AGBL4: variants seen among roughly 807,000 people sequenced by gnomAD.
AGBL4 encodes AGBL carboxypeptidase 4, also known as cytosolic carboxypeptidase 6.
A neutral mutation model predicts 66.4 loss-of-function variants in AGBL4; 58 were observed. The ratio of observed to expected loss-of-function variants is 0.87; its 90% confidence interval spans 0.71 to 1.09. The LOEUF (loss-of-function observed/expected upper bound fraction) is 1.09. Ranked by LOEUF, AGBL4 falls within the 50% of genes least tolerant of loss-of-function variation. The probability of loss-of-function intolerance (pLI) is 0.00; values close to 1 mark genes in which losing one functional copy is unlikely to be tolerated. For missense variants in AGBL4, 579 were observed against 631.0 expected (o/e 0.92, Z 0.88); for synonymous variants, 234 against 222.9 (o/e 1.05, Z -0.44).
chr1:49,935,670 G>A (rs571010055), intron 1 of AGBL4, among the ~76,000 whole-genome samples: 8 of 152,212 alleles, frequency 5.3e-5, no homozygotes, highest in Non-Finnish European at 8.8e-5. Context: ...AGCAGCATTC[G>A]CGGTTCATGA....
intron 3 of AGBL4, among the ~76,000 whole-genome samples, chr1:49,357,971 C>G (rs1461179711): frequency 6.6e-6 from 1 of 152,160 alleles, no homozygotes; most frequent in Non-Finnish European, 1.5e-5. Flanking sequence ...GCTCATCTCT[C>G]TCACCCATCC....
chr1:49,940,842 A>C (rs867599614), intron 1 of AGBL4, among the ~76,000 whole-genome samples: 4 of 152,124 alleles, frequency 2.6e-5, no homozygotes, highest in Non-Finnish European at 5.9e-5. Flanking sequence ...CCTAAAACTT[A>C]AAGTATAATA....
intron 1 of AGBL4, among the ~76,000 whole-genome samples, chr1:49,874,390 C>T (rs1646919214): frequency 6.6e-6 from 1 of 152,116 alleles, no homozygotes; most frequent in Middle Eastern, 3.4e-3. Flanking sequence ...AAATGTTACA[C>T]ATCTTGATTA....
chr1:48,742,553 A>T, intron 6 of AGBL4: 1 of 1,360,136 alleles, frequency 7.4e-7, no homozygotes, highest in Non-Finnish European at 9.6e-7. Context: ...GAAAGCTCCC[A>T]CCATACTCTC....
chr1:48,814,488 TA>T (rs1646129034), intron 6 of AGBL4, among the ~76,000 whole-genome samples: 1 of 152,138 alleles, frequency 6.6e-6, no homozygotes, highest in African/African-American at 2.4e-5. Context: ...TAGCTGAAAT[TA>T]TATAACTATT....
chr1:49,813,635 G>T (rs1001806279), intron 2 of AGBL4, among the ~76,000 whole-genome samples: 1 of 152,090 alleles, frequency 6.6e-6, no homozygotes, highest in African/African-American at 2.4e-5. Flanking sequence ...ACTGTACTAG[G>T]TGCTGGGGAC....
At chr1:49,364,245 C>T (rs1644199209) in intron 3 of AGBL4, among the ~76,000 whole-genome samples, 1 of 152,056 alleles carries the variant, frequency 6.6e-6, no homozygotes, top group African/African-American at 2.4e-5. Flanking sequence ...AATGCTTGTC[C>T]ATATAGTGTA....
chr1:48,683,565 G>T (rs919691878), intron 6 of AGBL4, among the ~76,000 whole-genome samples: 2 of 149,272 alleles, frequency 1.3e-5, no homozygotes, highest in African/African-American at 5.2e-5. Context: ...ACCACAAAAA[G>T]CGTGTTCAAA....
intron 5 of AGBL4, among the ~76,000 whole-genome samples, chr1:49,033,646 C>T (rs1326280563): frequency 1.3e-5 from 2 of 152,056 alleles, no homozygotes; most frequent in East Asian, 3.9e-4. Flanking sequence ...ACAAGAGTCA[C>T]ACAAGGACTG....
intron 4 of AGBL4, among the ~76,000 whole-genome samples, chr1:49,141,944 C>A (rs1646126050): frequency 6.6e-6 from 1 of 152,070 alleles, no homozygotes. Context: ...GGTCATGGAC[C>A]AGTACCTGTT....
intron 3 of AGBL4, among the ~76,000 whole-genome samples, chr1:49,694,439 G>A (rs1482859786): frequency 6.6e-6 from 1 of 152,028 alleles, no homozygotes; most frequent in Non-Finnish European, 1.5e-5. Context: ...TGAGGCAATG[G>A]CCCACAGAAA....
chr1:49,164,015 T>C (rs1162793615), intron 4 of AGBL4, among the ~76,000 whole-genome samples: 1 of 152,284 alleles, frequency 6.6e-6, no homozygotes, highest in East Asian at 1.9e-4. Flanking sequence ...TAGAACCATT[T>C]TGAAGGACCT....
intron 11 of AGBL4, among the ~76,000 whole-genome samples, chr1:48,549,212 A>C (rs1350008184): frequency 1.3e-5 from 2 of 152,218 alleles, no homozygotes; most frequent in Admixed American, 1.3e-4. Flanking sequence ...CAGCACTGCT[A>C]GAATATTAAG....
chr1:50,009,532 A>C (rs189831059), intron 1 of AGBL4, among the ~76,000 whole-genome samples: 1 of 152,220 alleles, frequency 6.6e-6, no homozygotes, highest in African/African-American at 2.4e-5. Flanking sequence ...ACAATAAAAA[A>C]CCTAAAGACA....
chr1:49,521,913 G>C (rs1000670312), intron 3 of AGBL4, among the ~76,000 whole-genome samples: 22 of 151,908 alleles, frequency 1.4e-4, no homozygotes, highest in Admixed American at 1.1e-3. Context: ...ACTATTAGAG[G>C]GGGGAATGAG....
At chr1:48,719,204 G>A (rs1038606629) in intron 6 of AGBL4, among the ~76,000 whole-genome samples, 1 of 152,148 alleles carries the variant, frequency 6.6e-6, no homozygotes, top group African/African-American at 2.4e-5. Context: ...TCTGGACATA[G>A]GGTGGATGCT....
chr1:48,821,671 A>G (rs920038033), intron 6 of AGBL4, among the ~76,000 whole-genome samples: 2 of 152,190 alleles, frequency 1.3e-5, no homozygotes, highest in East Asian at 1.9e-4. Flanking sequence ...TGATGGGTAC[A>G]CTAGAAGCCC....
intron 4 of AGBL4, among the ~76,000 whole-genome samples, chr1:49,223,171 T>G (rs1649632436): frequency 6.6e-6 from 1 of 152,140 alleles, no homozygotes; most frequent in South Asian, 2.1e-4. Flanking sequence ...GAGTTGAATC[T>G]CAGAAGGTTT....
intron 3 of AGBL4, among the ~76,000 whole-genome samples, chr1:49,289,165 G>T (rs896874175): frequency 6.6e-6 from 1 of 151,766 alleles, no homozygotes; most frequent in African/African-American, 2.4e-5. Context: ...AAATTTACTA[G>T]ACAACTAGAA....
Sources: gnomAD v4.1 joint callset for allele counts (sites outside exome capture counted in the v4.1 genomes callset) on GRCh38, gnomAD v4.1.1 for gene constraint, MANE v1.5 for transcripts, NCBI Gene and HGNC (gene_info 2026-07-23, HGNC 2026-07-21) for gene names.